The following TDRD3 variants were observed in gnomAD, a reference collection of about 807,000 sequenced individuals.
The protein encoded by TDRD3 is tudor domain-containing protein 3.
TDRD3 carries 45 observed loss-of-function variants against 86.7 expected under a neutral mutation model. That is an observed-to-expected ratio of 0.52 (90% CI 0.41 to 0.67). TDRD3 has a LOEUF of 0.67. TDRD3 is among the 30% of genes least tolerant of loss of function. The pLI is 0.00. For missense variants in TDRD3, 814 were observed against 889.0 expected (o/e 0.92, Z 1.07); for synonymous variants, 298 against 301.7 (o/e 0.99, Z 0.13).
intron 1 of TDRD3, among the ~76,000 whole-genome samples, chr13:60,409,528 TGACCTGGATGTGA>T (rs1053292692): frequency 3.3e-5 from 5 of 152,226 alleles, no homozygotes; most frequent in Non-Finnish European, 5.9e-5. Flanking sequence ...TGCATCAGTG[TGACCTGGATGTGA>T]GACCTGGAGT....
At chr13:60,503,280 G>C (rs1370922315) in intron 8 of TDRD3, among the ~76,000 whole-genome samples, 1 of 152,110 alleles carries the variant, frequency 6.6e-6, no homozygotes, top group Non-Finnish European at 1.5e-5. Context: ...ACCTGTTAAA[G>C]TTGTATAGCT....
At chr13:60,457,074 G>C (rs1331125414) in intron 3 of TDRD3, among the ~76,000 whole-genome samples, 2 of 151,962 alleles carry the variant, frequency 1.3e-5, no homozygotes, top group Non-Finnish European at 2.9e-5. Flanking sequence ...ATTTTATCTA[G>C]GTCCATTACT....
intron 1 of TDRD3, among the ~76,000 whole-genome samples, chr13:60,427,149 G>A (rs1380591091): frequency 2.0e-5 from 3 of 152,040 alleles, no homozygotes; most frequent in Admixed American, 2.0e-4. Context: ...TGACTGTATT[G>A]AAAACTTTTT....
At chr13:60,429,727 G>C (rs1594922540) in intron 1 of TDRD3, among the ~76,000 whole-genome samples, 1 of 152,044 alleles carries the variant, frequency 6.6e-6, no homozygotes, top group Admixed American at 6.6e-5. Context: ...GAAATATGTA[G>C]TTAGGCTTAC....
In TDRD3 at chr13:60,528,483, C is replaced by A. The variant is rs144919764; in HGVS notation, c.1258C>A (p.Gln420Lys). ...LRHPPRNDTR[Q>K]PRNEKPPRFQ... Reference sequence around the variant, plus strand: ...ACATCCTCCTCGAAATGATACCAGGCAGCCAAGAAATGAAAAACCGCCTCG... The same window carrying A: ...ACATCCTCCTCGAAATGATACCAGGAAGCCAAGAAATGAAAAACCGCCTCG... Residue 420 changes from glutamine (Q) to lysine (K), a missense_variant, in exon 11 of 14, where the codon CAG (glutamine) becomes AAG (lysine). By Grantham distance (53) the Gln-to-Lys change is moderately conservative. Coordinates refer to ENST00000377881, the MANE Select transcript of TDRD3 (RefSeq NM_001146070.2). 23 of 1,613,818 alleles carry A rather than the reference C, an allele frequency of 1.4e-5. No individual in the cohort carries two copies. In the African/African-American group the frequency reaches 2.8e-4, roughly 20 times the overall value.
At chr13:60,418,746 G>C (rs969457015) in intron 1 of TDRD3, among the ~76,000 whole-genome samples, 3 of 152,068 alleles carry the variant, frequency 2.0e-5, no homozygotes, top group Admixed American at 2.0e-4. Flanking sequence ...TGTTCCTTCT[G>C]TGCCCACAGA....
intron 10 of TDRD3, among the ~76,000 whole-genome samples, chr13:60,527,893 A>G (rs1378554354): frequency 2.6e-5 from 4 of 152,208 alleles, no homozygotes; most frequent in African/African-American, 9.6e-5. Flanking sequence ...CCAGATCCAG[A>G]AAGATTTGAA....
chr13:60,418,640 G>A (rs1037386188), intron 1 of TDRD3, among the ~76,000 whole-genome samples: 3 of 152,100 alleles, frequency 2.0e-5, no homozygotes, highest in Non-Finnish European at 2.9e-5. Flanking sequence ...TAAGTGTTTA[G>A]CATGATAGGT....
chr13:60,463,750 G>C (rs969181487), intron 4 of TDRD3, among the ~76,000 whole-genome samples: 1 of 152,132 alleles, frequency 6.6e-6, no homozygotes, highest in Non-Finnish European at 1.5e-5. Context: ...TGGCCAACAG[G>C]CATATGAAAA....
chr13:60,486,239 C>A (rs1956432728), intron 7 of TDRD3, among the ~76,000 whole-genome samples: 1 of 152,038 alleles, frequency 6.6e-6, no homozygotes, highest in South Asian at 2.1e-4. Flanking sequence ...ACTGAACACA[C>A]TTTTTATTCT....
chr13:60,548,059 T>A (rs558843707), intron 12 of TDRD3, among the ~76,000 whole-genome samples: 1 of 152,300 alleles, frequency 6.6e-6, no homozygotes, highest in African/African-American at 2.4e-5. Context: ...CCATTCATTT[T>A]CTCTGTGGGA....
chr13:60,473,896 C>T (rs904319348), intron 5 of TDRD3, among the ~76,000 whole-genome samples: 2 of 152,096 alleles, frequency 1.3e-5, no homozygotes, highest in African/African-American at 2.4e-5. Flanking sequence ...GGAAGGCACC[C>T]GTTACTTAAC....
At chr13:60,569,768 A>G (rs1015330811) in intron 13 of TDRD3, among the ~76,000 whole-genome samples, 1 of 152,168 alleles carries the variant, frequency 6.6e-6, no homozygotes, top group African/African-American at 2.4e-5. Flanking sequence ...ATAAAGCTCT[A>G]TATTTACAGC....
At chr13:60,456,559 G>T (rs1173640033) in intron 3 of TDRD3, among the ~76,000 whole-genome samples, 3 of 152,152 alleles carry the variant, frequency 2.0e-5, no homozygotes, top group Non-Finnish European at 4.4e-5. Context: ...CATTAAAGAA[G>T]ACTTGGGTGA....
At chr13:60,484,256 C>A (rs1245814231) in intron 6 of TDRD3, among the ~76,000 whole-genome samples, 1 of 152,122 alleles carries the variant, frequency 6.6e-6, no homozygotes, top group Non-Finnish European at 1.5e-5. Context: ...AGCAGCCCCC[C>A]TTCTGACCAG....
intron 8 of TDRD3, among the ~76,000 whole-genome samples, chr13:60,500,318 G>A (rs997348346): frequency 6.6e-6 from 1 of 152,154 alleles, no homozygotes; most frequent in African/African-American, 2.4e-5. Flanking sequence ...GGCTTGAGCA[G>A]GTCCTGAAGG....
chr13:60,515,108 T>C (rs759098094), intron 10 of TDRD3, among the ~76,000 whole-genome samples: 3 of 152,202 alleles, frequency 2.0e-5, no homozygotes, highest in Non-Finnish European at 2.9e-5. Context: ...ATTTACTTAA[T>C]GTAAAACAAA....
At chr13:60,413,863 CAAATT>C (rs1230311422) in intron 1 of TDRD3, among the ~76,000 whole-genome samples, 17 of 151,992 alleles carry the variant, frequency 1.1e-4, no homozygotes, top group Middle Eastern at 6.8e-3. Context: ...ATTAGTGTCT[CAAATT>C]AAAGATAAAA....
chr13:60,447,328 A>G (rs1955427699), intron 3 of TDRD3, among the ~76,000 whole-genome samples: 1 of 152,152 alleles, frequency 6.6e-6, no homozygotes, highest in Non-Finnish European at 1.5e-5. Context: ...CTGGATTTAA[A>G]TCTTCTTTCT....
Sources: gnomAD v4.1 joint callset for allele counts (sites outside exome capture counted in the v4.1 genomes callset) on GRCh38, gnomAD v4.1.1 for gene constraint, MANE v1.5 for transcripts, NCBI Gene and HGNC (gene_info 2026-07-23, HGNC 2026-07-21) for gene names.